Variants in ADGRE2 observed in about 807,000 individuals in gnomAD.
The protein encoded by ADGRE2 is CD97 antigen.
A neutral mutation model predicts 100.8 loss-of-function variants in ADGRE2; 83 were observed. The ratio of observed to expected loss-of-function variants is 0.82; its 90% CI spans 0.69 to 0.99. The LOEUF is 0.99. ADGRE2 is among the 50% of genes least tolerant of loss of function. The pLI is 0.00. For synonymous variants in ADGRE2, 355 were observed against 413.0 expected, an observed-to-expected ratio of 0.86 and a Z score of 1.70; for missense variants, 814 against 1,035.7, an observed-to-expected ratio of 0.79 and a Z score of 2.94.
rs147713362 is a variant in ADGRE2, at chr19:14,762,600, C to T, written c.1084+1833G>A. On this transcript the variant is annotated intron_variant, in intron 11 of 20. Coordinates refer to ENST00000315576, the MANE Select transcript of ADGRE2 (RefSeq NM_013447.4). The stretch of plus-strand genomic sequence containing the variant: ...ACTTTCTGAATATACTAGATTCTAC[C>T]GAAACACACGCTTTTAAAATTTTTT... Among the ~76,000 whole-genome samples, 943 of 150,818 alleles carry T rather than the reference C, an allele frequency of 6.3e-3. 8 individuals are homozygous for T. The highest frequency in any genetic ancestry group is 0.021 in the African/African-American group (869 of 40,996).
the ADGRE2 span, among the ~76,000 whole-genome samples, chr19:14,724,772 GA>G: frequency 6.6e-6 from 1 of 152,110 alleles, no homozygotes; most frequent in African/African-American, 2.4e-5. Context: ...GTCTCAAAAA[GA>G]AAAACTTTGT....
At chr19:14,726,652 T>C in the ADGRE2 span, among the ~76,000 whole-genome samples, 3 of 152,186 alleles carry the variant, frequency 2.0e-5, no homozygotes, top group African/African-American at 7.2e-5. Flanking sequence ...CTCTAAGTCA[T>C]TACTATTAAG....
intron 4 of ADGRE2, 117 bp from the exon 5 acceptor site, chr19:14,772,614 C>T: frequency 1.6e-6 from 2 of 1,280,252 alleles, no homozygotes; most frequent in Non-Finnish European, 2.2e-6. Context: ...TGGAAAGGAT[C>T]TCAAGTTGCA....
At chr19:14,760,432 G>A (rs960553426) in intron 11 of ADGRE2, among the ~76,000 whole-genome samples, 1 of 152,120 alleles carries the variant, frequency 6.6e-6, no homozygotes, top group Non-Finnish European at 1.5e-5. Flanking sequence ...TTTCTGGTGG[G>A]GAATTAGAAT....
rs200022474 is a variant in ADGRE2, at chr19:14,751,454, A to C, written c.2006T>G (p.Leu669Arg). ...VAISAASRPH[L>R]YGTPSRCWLQ... ...CACTAACCGGGAAGGTGTTCCATAA[A>C]GGTGAGGCCTGGAGGCTGCAGAAAT... The change falls in exon 16 of 21, where the codon CTT (leucine) becomes CGT (arginine). Residue 669 changes from leucine to arginine, a missense_variant. Leu to Arg is a moderately radical substitution (Grantham distance 102). This residue lies in a region of ADGRE2 where 569 missense variants were observed against 692.7 expected (regional missense o/e 0.82). Transcript: ENST00000315576. 3.1e-6 allele frequency: 5 copies of C among 1,613,920 alleles called. No homozygotes were observed. The highest frequency in any genetic ancestry group is 2.2e-5 in the East Asian group (1 of 44,880).
the ADGRE2 span, among the ~76,000 whole-genome samples, chr19:14,724,602 CT>C: frequency 1.4e-4 from 21 of 152,280 alleles, no homozygotes; most frequent in East Asian, 4.0e-3. Context: ...TCCATCTCTA[CT>C]AAAAATACAA....
Position 14,776,744 on chromosome 19 carries a change from C to G in ADGRE2, c.13G>C (p.Val5Leu). 6.2e-7 allele frequency: 1 copy of G among 1,613,594 alleles called. No homozygotes were observed. The highest frequency in any genetic ancestry group is 8.5e-7 in the Non-Finnish European group (1 of 1,179,802). MGGR[V>L]FLVFLAFCVW... ...TACTTACCGAGAAAGACGAGAAAGA[C>G]GCGGCCTCCCATGGTTCCAGCTGAG... The change falls in exon 2 of 21, where the codon GTC becomes CTC. Residue 5 changes from valine (V) to leucine (L), a missense_variant. Val to Leu is a conservative substitution (Grantham distance 32). Transcript: ENST00000315576.
At chr19:14,769,468 A>C (rs2044114976) in intron 5 of ADGRE2, among the ~76,000 whole-genome samples, 1 of 152,006 alleles carries the variant, frequency 6.6e-6, no homozygotes, top group African/African-American at 2.4e-5. Context: ...CAAAAAAAAC[A>C]AGAATGCTGA....
rs751263352 is a variant in ADGRE2, at chr19:14,772,342, C to G, written c.355G>C (p.Asp119His). Residue 119 changes from aspartate (D) to histidine (H), a missense_variant and splice_region_variant, in exon 5 of 21, where the codon GAT (aspartate) becomes CAT (histidine). By Grantham distance (81) the Asp-to-His change is moderately conservative. This residue lies in a region of ADGRE2 where 143 missense variants were observed against 160.3 expected (regional missense o/e 0.89). Coordinates refer to ENST00000315576, the MANE Select transcript of ADGRE2 (RefSeq NM_013447.4). ...FKNESENTCQDVDECQQNPRL... is the reference protein window; with the variant it reads ...FKNESENTCQHVDECQQNPRL... ...ATGGAGGATGTGGGGTGGTTCTTAC[C>G]TTGACACGTGTTCTCGCTCTCATTC... is the stretch of plus-strand genomic sequence containing the variant. 2.4e-5 allele frequency: 38 copies of G among 1,613,982 alleles called. No homozygotes were observed. The African/African-American group carries it at 4.0e-4, about 17-fold the overall frequency.
rs59231835 is a variant in ADGRE2, at chr19:14,746,390, T to TTC, written c.2092-68_2092-67insGA. 4,181 of 843,936 alleles carry TTC rather than the reference T, an allele frequency of 5.0e-3. 22 individuals carry two copies. Among genetic ancestry groups the TTC allele is most frequent in the Non-Finnish European group, 6.0e-3 (3,077 of 516,786 alleles). The allele number at this position is 843,936 out of a possible 1,614,324, so 52.3% of individuals were successfully genotyped here. On this transcript the variant is annotated intron_variant, in intron 17 of 20. Coordinates refer to ENST00000315576, the MANE Select transcript of ADGRE2 (RefSeq NM_013447.4). ...CCTGTTATCTCTTTTTTTTTTTTTT[T>TTC]CAGACAGGGTCTTGCTCTGTTGCCC...
chr19:14,752,943 T>A (rs1268121017), intron 14 of ADGRE2, among the ~76,000 whole-genome samples: 2 of 152,100 alleles, frequency 1.3e-5, no homozygotes, highest in Non-Finnish European at 2.9e-5. Flanking sequence ...GGCTAATTTT[T>A]ATACTTTTAG....
rs373096782 is a variant in ADGRE2, at chr19:14,766,224, G to A, written c.634+11C>T. The A allele has an allele frequency of 2.2e-5, 35 of 1,613,954 alleles. No homozygotes were observed. The highest frequency in any genetic ancestry group is 2.9e-5 in the Non-Finnish European group (34 of 1,180,008). ...GTGGGTCTCTGGGAACGTGGGATCTGAGCTCTCGACCTTCACAGACGGTAT... is the reference window on the plus strand; with the variant it reads ...GTGGGTCTCTGGGAACGTGGGATCTAAGCTCTCGACCTTCACAGACGGTAT... On this transcript the variant is annotated intron_variant, in intron 7 of 20. Transcript: ENST00000315576.
chr19:14,767,262 G>A (rs760171672), intron 5 of ADGRE2, among the ~76,000 whole-genome samples, 153 bp from the exon 6 acceptor site: 2 of 149,224 alleles, frequency 1.3e-5, no homozygotes, highest in Non-Finnish European at 3.0e-5. Context: ...TTTTTGAGAC[G>A]GAGTCTTGCT....
intron 11 of ADGRE2, among the ~76,000 whole-genome samples, chr19:14,756,896 T>C (rs918973044): frequency 2.0e-5 from 3 of 148,666 alleles, no homozygotes; most frequent in African/African-American, 7.5e-5. Context: ...TCAAGACTTA[T>C]AGGAAAGTTT....
In ADGRE2 at chr19:14,774,366, G is replaced by C. The variant is rs796978830; in HGVS notation, c.32-60C>G. 11 of 1,309,698 alleles carry C rather than the reference G, an allele frequency of 8.4e-6. 1 individual carries two copies. The African/African-American group carries it at 1.5e-4, about 18-fold the overall frequency. The allele number at this position is 1,309,698 out of a possible 1,614,324, so 81.1% of individuals were successfully genotyped here. ...TCCCAGGGTGGGAAAGGAGGCGTAA[G>C]GGTGATGCACTTTGTGGGAGGAGGA... On this transcript the variant is annotated intron_variant, in intron 2 of 20. Transcript: ENST00000315576.
rs1350300013 is a variant in ADGRE2, at chr19:14,733,044, C to T, written c.*3192G>A. On this transcript the variant is annotated 3_prime_UTR_variant, in exon 21 of 21. Transcript: ENST00000315576. ...AAGCCTCCAGCTGTGTGTTCTGCTT[C>T]CTCAAGCAGCAGCTGACTCTGATAT... 6.6e-6 allele frequency: 1 copy of T among 152,254 alleles called. No homozygotes were observed. Among genetic ancestry groups the T allele is most frequent in the East Asian group, 1.9e-4 (1 of 5,190 alleles). 9.4% of individuals were successfully genotyped at this position (152,254 alleles called of 1,614,324 possible).
chr19:14,731,255 C>T, downstream of ADGRE2: 1 of 1,418,838 alleles, frequency 7.0e-7, no homozygotes, highest in Non-Finnish European at 9.6e-7. Flanking sequence ...CTCTGGATAT[C>T]AAAGGATCAC....
At chr19:14,732,211 C>G (rs960487615), downstream of ADGRE2, 1 of 152,102 alleles carries the variant, frequency 6.6e-6, no homozygotes, top group Admixed American at 6.5e-5. Flanking sequence ...AGCCCTGTGT[C>G]GAGCAAGTCT....
intron 11 of ADGRE2, among the ~76,000 whole-genome samples, chr19:14,761,574 A>G (rs1326106869): frequency 2.6e-5 from 4 of 151,836 alleles, no homozygotes; most frequent in African/African-American, 9.7e-5. Flanking sequence ...TTTTTCTAAC[A>G]AAGAGCAGCC....
Sources: gnomAD v4.1 joint callset for allele counts (sites outside exome capture counted in the v4.1 genomes callset) on GRCh38, gnomAD v4.1.1 for gene constraint, gnomAD v4.1.1 regional missense constraint, MANE v1.5 for transcripts, NCBI Gene and HGNC (gene_info 2026-07-23, HGNC 2026-07-21) for gene names.